WWOX: variants seen among roughly 807,000 people sequenced by gnomAD.
WWOX encodes WW domain-containing oxidoreductase.
WWOX carries 69 observed loss-of-function variants against 46.2 expected under a neutral mutation model. The ratio of observed to expected loss-of-function variants is 1.49; its 90% CI spans 1.23 to 1.82. The LOEUF (loss-of-function observed/expected upper bound fraction) is 1.82, where lower values mean the gene tolerates loss of function less well. Ranked by LOEUF, WWOX falls within the 40% of genes most tolerant of loss-of-function variation. WWOX has a pLI of 0.00. For synonymous variants in WWOX, 359 were observed against 202.6 expected (o/e 1.77, Z -6.56); for missense variants, 919 against 542.6 (o/e 1.69, Z -6.89).
intron 8 of WWOX, among the ~76,000 whole-genome samples, chr16:78,494,749 C>A (rs773332418): frequency 7.2e-5 from 11 of 152,084 alleles, no homozygotes; most frequent in Non-Finnish European, 1.6e-4. Context: ...GCACATTGAG[C>A]GTTTTGTCAA....
intron 5 of WWOX, among the ~76,000 whole-genome samples, chr16:78,344,967 A>G (rs2081069735): frequency 8.3e-6 from 1 of 120,318 alleles, no homozygotes; most frequent in Admixed American, 8.1e-5. Context: ...AACCTCTCTG[A>G]GCAAGCTTCC....
At position 78,157,206 on chromosome 16, in the gene WWOX, C is replaced by G. The variant is rs373540869; in HGVS notation, c.410-6977C>G. 4.8e-3 allele frequency among the ~76,000 whole-genome samples: 738 copies of G among 152,266 alleles called. 8 individuals carry two copies. Among genetic ancestry groups the G allele is most frequent in the Middle Eastern group, 0.01 (3 of 294 alleles). ...TCTTCTGGGTGTGTGAAGTCCCGGG[C>G]TCCCAAATGCAGTTGTGTTTGGTCA... On this transcript the variant is annotated intron_variant, in intron 4 of 8. Coordinates refer to ENST00000566780, the MANE Select transcript of WWOX (RefSeq NM_016373.4).
At chr16:78,908,150 T>G (rs1176382802) in intron 8 of WWOX, among the ~76,000 whole-genome samples, 2 of 152,190 alleles carry the variant, frequency 1.3e-5, no homozygotes, top group Admixed American at 6.5e-5. Context: ...TGTGTGGCAG[T>G]GTCACAACTT....
chr16:78,929,606 G>T (rs1382552086), intron 8 of WWOX, among the ~76,000 whole-genome samples: 1 of 152,134 alleles, frequency 6.6e-6, no homozygotes, highest in African/African-American at 2.4e-5. Context: ...AAGGAGGGCG[G>T]GATAAGATTG....
chr16:78,911,374 C>T (rs2045106894), intron 8 of WWOX, among the ~76,000 whole-genome samples: 1 of 151,954 alleles, frequency 6.6e-6, no homozygotes, highest in South Asian at 2.1e-4. Context: ...TTTTATTAGG[C>T]ATGGAGAAGC....
At chr16:78,764,927 T>G (rs7199518) in intron 8 of WWOX, among the ~76,000 whole-genome samples, 24,434 of 152,188 alleles carry the variant, frequency 0.16, 5,310 homozygotes, top group African/African-American at 0.5. Flanking sequence ...TTATCTGCAT[T>G]GTGCCTTTAG....
chr16:78,985,121 C>G (rs2046759705), intron 8 of WWOX, among the ~76,000 whole-genome samples: 1 of 152,204 alleles, frequency 6.6e-6, no homozygotes, highest in African/African-American at 2.4e-5. Flanking sequence ...GGATCAGATT[C>G]CATCTGAATT....
At chr16:78,405,744 A>C (rs149277721) in intron 6 of WWOX, among the ~76,000 whole-genome samples, 72 of 152,196 alleles carry the variant, frequency 4.7e-4, no homozygotes, top group African/African-American at 1.6e-3. Context: ...TGGGCTTTTT[A>C]TATATTTTCT....
chr16:78,268,505 G>T (rs1360532316), intron 5 of WWOX, among the ~76,000 whole-genome samples: 1 of 152,134 alleles, frequency 6.6e-6, no homozygotes, highest in East Asian at 1.9e-4. Flanking sequence ...TTTTATTTTT[G>T]GAAGACATCG....
chr16:78,880,884 G>C (rs1380752899), intron 8 of WWOX, among the ~76,000 whole-genome samples: 1 of 151,752 alleles, frequency 6.6e-6, no homozygotes, highest in Non-Finnish European at 1.5e-5. Flanking sequence ...TATGATATCA[G>C]ATCAGGTCAG....
At chr16:78,862,011 C>G (rs141289613) in intron 8 of WWOX, among the ~76,000 whole-genome samples, 1 of 152,042 alleles carries the variant, frequency 6.6e-6, no homozygotes, top group African/African-American at 2.4e-5. Flanking sequence ...GTGTGTGTAT[C>G]TATGTATAGA....
chr16:78,858,000 G>A (rs545352753), intron 8 of WWOX, among the ~76,000 whole-genome samples: 1 of 152,190 alleles, frequency 6.6e-6, no homozygotes, highest in South Asian at 2.1e-4. Flanking sequence ...TATTTATTTA[G>A]TTATTTGACC....
intron 8 of WWOX, among the ~76,000 whole-genome samples, chr16:78,838,768 G>T (rs181057471): frequency 9.9e-5 from 15 of 152,148 alleles, no homozygotes; most frequent in African/African-American, 3.4e-4. Flanking sequence ...GCTTGAACCC[G>T]GGAGTCAGAG....
chr16:78,814,549 A>T (rs2051281887), intron 8 of WWOX, among the ~76,000 whole-genome samples: 1 of 152,056 alleles, frequency 6.6e-6, no homozygotes, highest in South Asian at 2.1e-4. Context: ...GGTTGCAGTG[A>T]TGGCGTGGAT....
chr16:79,178,039 G>A (rs566997000), intron 8 of WWOX, among the ~76,000 whole-genome samples: 2 of 152,132 alleles, frequency 1.3e-5, no homozygotes, highest in Admixed American at 6.5e-5. Context: ...CAGCTCTCTG[G>A]GGCTTCTTTT....
In WWOX at chr16:78,338,996, C is replaced by T. The variant is rs918965379; in HGVS notation, c.517-47864C>T. ...GTAGCTTTAAGTAATTGCATGTAAA[C>T]TGTTACTTCTTCATTTTCTAGTCTT... On this transcript the variant is annotated intron_variant, in intron 5 of 8. Coordinates refer to ENST00000566780, the MANE Select transcript of WWOX (RefSeq NM_016373.4). 6.4e-4 allele frequency among the ~76,000 whole-genome samples: 77 copies of T among 120,052 alleles called. 22 individuals are homozygous for T. Among genetic ancestry groups the T allele is most frequent in the African/African-American group, 2.1e-3 (75 of 35,606 alleles). The allele number at this position is 120,052 out of a possible 152,430, so 78.8% of individuals were successfully genotyped here. A position where few individuals can be genotyped will look rare whatever the true frequency, so the allele number is the denominator to read the frequency against.
intron 8 of WWOX, among the ~76,000 whole-genome samples, chr16:78,710,815 C>A (rs944645540): frequency 6.6e-6 from 1 of 151,752 alleles, no homozygotes; most frequent in Non-Finnish European, 1.5e-5. Context: ...GGATCTCTCC[C>A]TTTGTGGCCC....
intron 8 of WWOX, among the ~76,000 whole-genome samples, chr16:78,822,251 T>C (rs953842991): frequency 3.9e-5 from 6 of 152,040 alleles, no homozygotes. Flanking sequence ...CACAGCACTT[T>C]AGGAGGCCAA....
At chr16:79,103,060 A>G (rs1185443801) in intron 8 of WWOX, among the ~76,000 whole-genome samples, 1 of 151,218 alleles carries the variant, frequency 6.6e-6, no homozygotes, top group African/African-American at 2.5e-5. Flanking sequence ...GCTTTGGGCA[A>G]GTTCTCACCA....
Sources: gnomAD v4.1 joint callset for allele counts (sites outside exome capture counted in the v4.1 genomes callset) on GRCh38, gnomAD v4.1.1 for gene constraint, MANE v1.5 for transcripts, NCBI Gene and HGNC (gene_info 2026-07-23, HGNC 2026-07-21) for gene names.